PLA2G6: variants seen among roughly 807,000 people sequenced by gnomAD.
PLA2G6 encodes 85/88 kDa calcium-independent phospholipase A2.
PLA2G6 carries 62 observed loss-of-function variants against 83.8 expected under a neutral mutation model. That is an observed-to-expected ratio of 0.74 (90% CI 0.60 to 0.91). The LOEUF is 0.91. PLA2G6 is among the 40% of genes least tolerant of loss of function. The pLI is 0.00. For missense variants in PLA2G6, 944 were observed against 1,102.0 expected (o/e 0.86, Z 2.03); for synonymous variants, 417 against 449.8 (o/e 0.93, Z 0.92).
intron 2 of PLA2G6, among the ~76,000 whole-genome samples, chr22:38,158,435 T>C (rs910403558): frequency 6.6e-6 from 1 of 152,236 alleles, no homozygotes; most frequent in Non-Finnish European, 1.5e-5. Flanking sequence ...CCTCCCACAG[T>C]GCTGGGATTA....
intron 2 of PLA2G6, among the ~76,000 whole-genome samples, chr22:38,166,707 C>A (rs1166541153): frequency 1.3e-5 from 2 of 150,942 alleles, no homozygotes; most frequent in Non-Finnish European, 2.9e-5. Context: ...CCAGCCTGGG[C>A]AACAGAGCAA....
Position 38,169,199 on chromosome 22 carries a change from C to A in PLA2G6, c.209+19G>T. ...GGGAGTGAAAGGAGAGAAGTATGTT[C>A]CCGCTGAGCATCACCCACCGGAATC... On this transcript the variant is annotated intron_variant, in intron 2 of 16. Coordinates refer to ENST00000332509, the MANE Select transcript of PLA2G6 (RefSeq NM_003560.4). The A allele has an allele frequency of 1.9e-6, 3 of 1,584,214 alleles. No individual in the cohort carries two copies. The highest frequency in any genetic ancestry group is 1.7e-5 in the Admixed American group (1 of 59,788).
chr22:38,145,031 CCT>C, intron 3 of PLA2G6: 1 of 285,522 alleles, frequency 3.5e-6, no homozygotes, highest in Non-Finnish European at 6.7e-6. Context: ...CAACGCAGCA[CCT>C]TTTTTTTTTT....
At chr22:38,122,184 A>T (rs2087564063) in intron 11 of PLA2G6, among the ~76,000 whole-genome samples, 1 of 152,012 alleles carries the variant, frequency 6.6e-6, no homozygotes, top group Admixed American at 6.5e-5. Flanking sequence ...CCTGGCCCAC[A>T]GGCCCTGATA....
chr22:38,114,098 G>A lies in PLA2G6; in HGVS notation c.2035-444C>T, dbSNP rs186613569. ...CAGTTTGCAAATGAGGGCTCTCAGC[G>A]AAGCTCAGGCCGGGAAGCAGCTGCA... On this transcript the variant is annotated intron_variant, in intron 14 of 16. Transcript: ENST00000332509. Among the ~76,000 whole-genome samples, 439 of 152,276 alleles carry A rather than the reference G, an allele frequency of 2.9e-3. 18 individuals carry two copies. The South Asian group carries it at 0.055, about 19-fold the overall frequency.
chr22:38,115,870 C>G (rs2145684170), intron 13 of PLA2G6, 189 bp from the exon 14 acceptor site: 2 of 1,480,474 alleles, frequency 1.4e-6, no homozygotes, highest in South Asian at 2.7e-5. Flanking sequence ...GCAGGTACAG[C>G]TGAGGACTTT....
chr22:38,146,267 G>A (rs2089254647), intron 2 of PLA2G6: 1 of 156,048 alleles, frequency 6.4e-6, no homozygotes, highest in South Asian at 1.9e-4. Context: ...GAACTCCTGA[G>A]CTCAGGCAAT....
chr22:38,112,824 A>C, intron 15 of PLA2G6: 1 of 591,598 alleles, frequency 1.7e-6, no homozygotes. Flanking sequence ...TGAGTGGGGG[A>C]AAGGGTAGCG....
intron 2 of PLA2G6, among the ~76,000 whole-genome samples, chr22:38,163,063 T>C (rs2090080705): frequency 6.6e-6 from 1 of 152,116 alleles, no homozygotes; most frequent in Admixed American, 6.6e-5. Flanking sequence ...TGCAAACCTC[T>C]TGAAAGTGGC....
intron 2 of PLA2G6, among the ~76,000 whole-genome samples, chr22:38,166,843 G>C (rs1266952258): frequency 6.6e-6 from 1 of 152,126 alleles, no homozygotes; most frequent in East Asian, 1.9e-4. Context: ...TGTATAAGTG[G>C]GATGAATCAC....
intron 4 of PLA2G6, chr22:38,141,543 G>A (rs939685252): frequency 1.3e-5 from 2 of 152,118 alleles, no homozygotes; most frequent in Admixed American, 1.3e-4. Context: ...GCCAATGTAA[G>A]GTCAAGCCCC....
Position 38,134,977 on chromosome 22 carries a change from GATC to G in PLA2G6, c.894+8_894+10del. Reference sequence around the variant, plus strand: ...CCCCTGCCCCACCCACCCACCTCAGGATCCACTCACCTCTGCGTTCTTGGCCCA... The same window carrying G: ...CCCCTGCCCCACCCACCCACCTCAGGCACTCACCTCTGCGTTCTTGGCCCA... On this transcript the variant is annotated splice_region_variant and intron_variant, in intron 6 of 16. Transcript: ENST00000332509. The G allele has an allele frequency of 6.5e-7, 1 of 1,544,420 alleles. No homozygotes were observed. Among genetic ancestry groups the G allele is most frequent in the Non-Finnish European group, 8.9e-7 (1 of 1,118,934 alleles).
In PLA2G6 at chr22:38,113,559, A is replaced by T. The variant is rs2087009158; in HGVS notation, c.2130T>A (p.Arg710=). 1.2e-6 allele frequency: 2 copies of T among 1,613,834 alleles called. No individual in the cohort carries two copies. The part of the protein sequence containing the change: ...QVPVTCVDVF[R]PSNPWELAKT... ...TGGCCAGCTCCCAGGGGTTGCTGGG[A>T]CGGAAGACATCCACACAGGTCACAG... The change falls in exon 15 of 17, where the codon CGT becomes CGA. Residue 710 remains arginine, a synonymous_variant. Transcript: ENST00000332509.
chr22:38,132,628 G>A lies in PLA2G6; in HGVS notation c.1077+203C>T, dbSNP rs1380767175. 8.3e-6 allele frequency: 5 copies of A among 599,422 alleles called. No homozygotes were observed. Among genetic ancestry groups the A allele is most frequent in the Non-Finnish European group, 1.5e-5 (5 of 335,822 alleles). The allele number at this position is 599,422 out of a possible 1,614,324, so 37.1% of individuals were successfully genotyped here. A position where few individuals can be genotyped will look rare whatever the true frequency, so the allele number is the denominator to read the frequency against. ...GGAAAAGGTACCACAGCACACAGGA[G>A]GTGGTGTTATTTTGGGCTGAGAGGG... is the stretch of plus-strand genomic sequence containing the variant. On this transcript the variant is annotated intron_variant, in intron 7 of 16. Transcript: ENST00000332509. This position sits in a 1 kb window ranked among gnomAD's most constrained non-coding sequence, Gnocchi z 5.0.
Position 38,132,319 on chromosome 22 carries a change from C to G in PLA2G6, c.1077+512G>C, listed in dbSNP as rs2088267967. 3.0e-6 allele frequency: 1 copy of G among 329,006 alleles called. No individual in the cohort carries two copies. Among genetic ancestry groups the G allele is most frequent in the Non-Finnish European group, 5.9e-6 (1 of 168,238 alleles). 20.4% of individuals were successfully genotyped at this position (329,006 alleles called of 1,614,324 possible). A position where few individuals can be genotyped will look rare whatever the true frequency, so the allele number is the denominator to read the frequency against. On this transcript the variant is annotated intron_variant, in intron 7 of 16. Transcript: ENST00000332509. This position sits in a 1 kb window ranked among gnomAD's most constrained non-coding sequence, Gnocchi z 5.0. ...ACACTCAGGCTTTGCCTGCCAGGAT[C>G]TTACAGCCTCCCAGGGAAGATGAGA...
intron 1 of PLA2G6, among the ~76,000 whole-genome samples, chr22:38,171,184 A>AC (rs1474056195): frequency 1.3e-5 from 2 of 151,790 alleles, no homozygotes; most frequent in Admixed American, 1.3e-4. Flanking sequence ...AAAAAAAAAA[A>AC]AAAAAGATCA....
chr22:38,145,383 G>A, intron 3 of PLA2G6, 55 bp downstream of exon 3: 1 of 1,417,212 alleles, frequency 7.1e-7, no homozygotes, highest in Non-Finnish European at 9.8e-7. Flanking sequence ...GGCCCCCACT[G>A]CCCACACAAG....
At chr22:38,113,887 C>A in intron 14 of PLA2G6, 1 of 650,588 alleles carries the variant, frequency 1.5e-6, no homozygotes, top group Non-Finnish European at 2.9e-6. Context: ...ATCTGTGTAC[C>A]AACAGGACCA....
intron 12 of PLA2G6, among the ~76,000 whole-genome samples, chr22:38,120,450 C>T (rs2087456136): frequency 6.6e-6 from 1 of 151,832 alleles, no homozygotes; most frequent in African/African-American, 2.4e-5. Context: ...AGGCAAGCCC[C>T]AGACCCCTGG....
Sources: gnomAD v4.1 joint callset for allele counts (sites outside exome capture counted in the v4.1 genomes callset) on GRCh38, gnomAD v4.1.1 for gene constraint, Gnocchi (gnomAD v3.1) non-coding constraint, MANE v1.5 for transcripts, NCBI Gene and HGNC (gene_info 2026-07-23, HGNC 2026-07-21) for gene names.